OXR1: variants seen among roughly 807,000 people sequenced by gnomAD.
The protein encoded by OXR1 is oxidation resistance 1.
A neutral mutation model predicts 104.6 loss-of-function variants in OXR1; 41 were observed. The observed-to-expected ratio is 0.39, with a 90% confidence interval of 0.31 to 0.51. The LOEUF (loss-of-function observed/expected upper bound fraction) is 0.51, where lower values mean the gene tolerates loss of function less well. Among genes scored for constraint, OXR1 ranks in the 20% least tolerant of loss-of-function variants. The pLI, the probability that OXR1 is intolerant of heterozygous loss-of-function variation, is 0.77. For missense variants in OXR1, 955 were observed against 1,031.9 expected (o/e 0.93, Z 1.02); for synonymous variants, 348 against 348.4 (o/e 1.00, Z 0.01).
chr8:106,416,769 G>A (rs552364091), intron 2 of OXR1, among the ~76,000 whole-genome samples: 45 of 152,124 alleles, frequency 3.0e-4, no homozygotes, highest in South Asian at 2.7e-3. Context: ...TTGAAAGCTC[G>A]TCATTCTGGT....
intron 3 of OXR1, among the ~76,000 whole-genome samples, chr8:106,540,036 C>T (rs1010761107): frequency 1.3e-5 from 2 of 152,088 alleles, no homozygotes; most frequent in Non-Finnish European, 2.9e-5. Context: ...ATATTTATTT[C>T]TTTTCTGTCT....
intron 3 of OXR1, among the ~76,000 whole-genome samples, chr8:106,555,133 G>A (rs1041038525): frequency 6.6e-6 from 1 of 152,022 alleles, no homozygotes; most frequent in African/African-American, 2.4e-5. Context: ...TTCTACATAT[G>A]CTATTTTGTG....
At chr8:106,563,309 A>AAG (rs1816824679) in intron 3 of OXR1, among the ~76,000 whole-genome samples, 1 of 151,132 alleles carries the variant, frequency 6.6e-6, no homozygotes. Flanking sequence ...AAAAAAAAAA[A>AAG]AAAAAGAAAA....
At chr8:106,571,784 T>C (rs1444570955) in intron 3 of OXR1, among the ~76,000 whole-genome samples, 1 of 152,046 alleles carries the variant, frequency 6.6e-6, no homozygotes, top group African/African-American at 2.4e-5. Context: ...TATGCACTTC[T>C]AAAACACAAG....
intron 2 of OXR1, among the ~76,000 whole-genome samples, chr8:106,514,770 AAC>A (rs1426865354): frequency 6.6e-6 from 1 of 152,174 alleles, no homozygotes; most frequent in Non-Finnish European, 1.5e-5. Context: ...GTAAAATACA[AAC>A]AGTTTCTGGT....
chr8:106,440,395 A>G (rs1401140571), intron 2 of OXR1, among the ~76,000 whole-genome samples: 2 of 152,118 alleles, frequency 1.3e-5, no homozygotes, highest in Non-Finnish European at 2.9e-5. Context: ...TGTTTTTTCT[A>G]TATATACTGA....
At chr8:106,406,567 C>T (rs767235451) in intron 2 of OXR1, among the ~76,000 whole-genome samples, 20 of 151,960 alleles carry the variant, frequency 1.3e-4, no homozygotes, top group Admixed American at 2.0e-4. Flanking sequence ...ATCTTAAATG[C>T]GTATTACTAA....
At chr8:106,651,165 T>C (rs1321185666) in intron 3 of OXR1, among the ~76,000 whole-genome samples, 1 of 152,206 alleles carries the variant, frequency 6.6e-6, no homozygotes, top group African/African-American at 2.4e-5. Context: ...TAGTAATATA[T>C]GAAAGTGGTA....
At position 106,361,222 on chromosome 8, in the gene OXR1, T is replaced by C. The variant is rs1228349851; in HGVS notation, c.23+1586T>C. 2.6e-5 allele frequency among the ~76,000 whole-genome samples: 4 copies of C among 152,244 alleles called. No homozygotes were observed. In the East Asian group the frequency reaches 5.8e-4, roughly 22 times the overall value. On this transcript the variant is annotated intron_variant, in intron 2 of 16. Coordinates refer to ENST00000517566, the MANE Select transcript of OXR1 (RefSeq NM_001198533.2). Reference sequence around the variant, plus strand: ...AAAAAATGCAAAGCAGGTAATTCAATGGTAAATAAATGTTATCCTTCTAAA... The same window carrying C: ...AAAAAATGCAAAGCAGGTAATTCAACGGTAAATAAATGTTATCCTTCTAAA...
At chr8:106,490,398 G>A (rs1227181660) in intron 2 of OXR1, among the ~76,000 whole-genome samples, 3 of 152,090 alleles carry the variant, frequency 2.0e-5, no homozygotes, top group Non-Finnish European at 2.9e-5. Flanking sequence ...TCACTCTGCT[G>A]CCTAGGCTGG....
At chr8:106,428,139 AAATCTAG>A (rs1363815335) in intron 2 of OXR1, among the ~76,000 whole-genome samples, 2 of 152,164 alleles carry the variant, frequency 1.3e-5, no homozygotes. Flanking sequence ...ACATAAGAAG[AAATCTAG>A]AACTGGGAAG....
chr8:106,560,953 G>GC (rs1816631193), intron 3 of OXR1, among the ~76,000 whole-genome samples: 1 of 152,162 alleles, frequency 6.6e-6, no homozygotes, highest in African/African-American at 2.4e-5. Flanking sequence ...GAGGGACTGT[G>GC]CCGTGAGGAA....
At chr8:106,504,211 G>A (rs1045295304) in intron 2 of OXR1, among the ~76,000 whole-genome samples, 1 of 152,118 alleles carries the variant, frequency 6.6e-6, no homozygotes. Flanking sequence ...CAGGTTAAGT[G>A]CCTCACTTCA....
At chr8:106,322,673 C>G (rs1202822121) in intron 1 of OXR1, among the ~76,000 whole-genome samples, 1 of 152,174 alleles carries the variant, frequency 6.6e-6, no homozygotes, top group African/African-American at 2.4e-5. Flanking sequence ...AGCTGATAAA[C>G]AACTTCAGCA....
intron 3 of OXR1, among the ~76,000 whole-genome samples, chr8:106,602,029 C>T (rs1033001706): frequency 6.6e-6 from 1 of 152,066 alleles, no homozygotes; most frequent in Non-Finnish European, 1.5e-5. Context: ...TGCTGAGGGC[C>T]TCACTCCTAC....
chr8:106,664,331 T>A (rs1486917290), intron 3 of OXR1, among the ~76,000 whole-genome samples: 1 of 152,238 alleles, frequency 6.6e-6, no homozygotes, highest in East Asian at 1.9e-4. Flanking sequence ...TGAATACCTC[T>A]CCTAGAATTT....
chr8:106,477,948 GCTGTAATGTACAGGTGTAT>G (rs760596634), intron 2 of OXR1, among the ~76,000 whole-genome samples: 4 of 151,906 alleles, frequency 2.6e-5, no homozygotes, highest in Non-Finnish European at 4.4e-5. Context: ...CACATTTCCA[GCTGTAATGTACAGGTGTAT>G]CTGTGATTCT....
At chr8:106,733,912 A>G (rs1834136817) in intron 11 of OXR1, among the ~76,000 whole-genome samples, 1 of 150,212 alleles carries the variant, frequency 6.7e-6, no homozygotes, top group East Asian at 1.9e-4. Context: ...TCCTTTTCCC[A>G]GTATTGATGA....
chr8:106,569,611 G>T (rs1817328464), intron 3 of OXR1, among the ~76,000 whole-genome samples: 1 of 152,044 alleles, frequency 6.6e-6, no homozygotes, highest in Non-Finnish European at 1.5e-5. Context: ...TCACTAAATC[G>T]GTATAAAGAG....
Sources: allele counts gnomAD v4.1 joint callset (sites outside exome capture counted in the v4.1 genomes callset), GRCh38; gene constraint gnomAD v4.1.1; transcripts MANE v1.5; gene names NCBI Gene and HGNC (gene_info 2026-07-23, HGNC 2026-07-21).